Variants in MICU3 observed in about 807,000 individuals in gnomAD.
MICU3 encodes calcium uptake protein 3, mitochondrial.
A neutral mutation model predicts 66.5 loss-of-function variants in MICU3; 62 were observed. That is an observed-to-expected ratio of 0.93 (90% CI 0.76 to 1.15). The LOEUF (loss-of-function observed/expected upper bound fraction) is 1.15, where lower values mean the gene tolerates loss of function less well. Among genes scored for constraint, MICU3 ranks in the 50% most tolerant of loss-of-function variants. MICU3 has a pLI of 0.00. For missense variants in MICU3, 779 were observed against 664.4 expected (o/e 1.17, Z -1.90); for synonymous variants, 308 against 240.7 (o/e 1.28, Z -2.59).
At chr8:17,114,593 C>A (rs1299558349) in intron 12 of MICU3, among the ~76,000 whole-genome samples, 8 of 152,166 alleles carry the variant, frequency 5.3e-5, no homozygotes, top group Non-Finnish European at 1.2e-4. Flanking sequence ...GCATAATTTT[C>A]AAATAAATAC....
At chr8:17,035,561 T>A (rs1812826136) in intron 1 of MICU3, among the ~76,000 whole-genome samples, 1 of 152,226 alleles carries the variant, frequency 6.6e-6, no homozygotes, top group African/African-American at 2.4e-5. Flanking sequence ...AAGAGACTAG[T>A]GGCATGTTGT....
chr8:17,095,105 G>T (rs763979216), intron 8 of MICU3, among the ~76,000 whole-genome samples: 20 of 151,834 alleles, frequency 1.3e-4, no homozygotes, highest in African/African-American at 4.1e-4. Context: ...TTCAAATCTA[G>T]CTTCATATTT....
At chr8:17,073,277 C>T (rs979088010) in intron 3 of MICU3, among the ~76,000 whole-genome samples, 11 of 152,188 alleles carry the variant, frequency 7.2e-5, no homozygotes, top group African/African-American at 2.7e-4. Context: ...TTTACAGCCA[C>T]TCTCCATCAC....
chr8:17,114,600 A>C (rs1414916162), intron 12 of MICU3, among the ~76,000 whole-genome samples: 1 of 152,232 alleles, frequency 6.6e-6, no homozygotes, highest in East Asian at 1.9e-4. Flanking sequence ...TTTCAAATAA[A>C]TACAGTGGTC....
intron 11 of MICU3, among the ~76,000 whole-genome samples, chr8:17,108,601 A>G (rs1206063325): frequency 6.6e-6 from 1 of 152,158 alleles, no homozygotes; most frequent in East Asian, 1.9e-4. Flanking sequence ...TCCTATTGAT[A>G]CTACCTGTAT....
At chr8:17,029,464 G>A (rs144530782) in intron 1 of MICU3, among the ~76,000 whole-genome samples, 8 of 151,852 alleles carry the variant, frequency 5.3e-5, no homozygotes, top group South Asian at 2.1e-4. Context: ...TGACAAGAGC[G>A]AAACTCCATC....
At chr8:17,027,751 G>A in intron 1 of MICU3, 91 bp downstream of exon 1, 2 of 1,236,056 alleles carry the variant, frequency 1.6e-6, no homozygotes, top group South Asian at 3.8e-5. Flanking sequence ...GACGGTGCAA[G>A]CGCTGTGGCC....
At chr8:17,116,711 A>T in intron 13 of MICU3, 111 bp downstream of exon 13, 1 of 800,166 alleles carries the variant, frequency 1.2e-6, no homozygotes, top group Non-Finnish European at 1.9e-6. Flanking sequence ...ATAAACATGA[A>T]TGCTTTATTT....
intron 11 of MICU3, among the ~76,000 whole-genome samples, chr8:17,106,810 T>A (rs1014501275): frequency 1.3e-5 from 2 of 151,430 alleles, no homozygotes; most frequent in African/African-American, 2.4e-5. Context: ...TATTTTAGAA[T>A]AGTGGAAGCT....
At chr8:17,035,909 A>G in intron 1 of MICU3, among the ~76,000 whole-genome samples, 1 of 152,198 alleles carries the variant, frequency 6.6e-6, no homozygotes, top group Non-Finnish European at 1.5e-5. Context: ...AGGCAAGGTC[A>G]AAGGTCTTCA....
At chr8:17,053,734 C>G (rs904468596) in intron 1 of MICU3, among the ~76,000 whole-genome samples, 1 of 152,022 alleles carries the variant, frequency 6.6e-6, no homozygotes, top group South Asian at 2.1e-4. Flanking sequence ...ATCATTTCAA[C>G]GTAAATTCTC....
At chr8:17,083,303 A>C (rs1191693578) in intron 5 of MICU3, among the ~76,000 whole-genome samples, 4 of 152,074 alleles carry the variant, frequency 2.6e-5, no homozygotes, top group Non-Finnish European at 5.9e-5. Context: ...GTTTTACAAT[A>C]GTGATGTTAT....
At chr8:17,097,041 A>G (rs1800782758) in intron 8 of MICU3, among the ~76,000 whole-genome samples, 1 of 150,930 alleles carries the variant, frequency 6.6e-6, no homozygotes, top group Admixed American at 6.6e-5. Flanking sequence ...ATGGCTTCAC[A>G]AAGTGAATCA....
chr8:17,137,863 C>G, the MICU3 span, among the ~76,000 whole-genome samples: 703 of 151,462 alleles, frequency 4.6e-3, 6 homozygotes, highest in African/African-American at 0.012. Flanking sequence ...ACTACAGGTG[C>G]GCACCACCAC....
At chr8:17,095,678 T>C (rs1047539530) in intron 8 of MICU3, among the ~76,000 whole-genome samples, 1 of 151,884 alleles carries the variant, frequency 6.6e-6, no homozygotes. Flanking sequence ...CACAGTGATA[T>C]ATTAACCATC....
In MICU3 at chr8:17,064,051, A is replaced by G. The variant is rs145372166; in HGVS notation, c.382-33A>G. The G allele has an allele frequency of 1.4e-3, 2,208 of 1,579,918 alleles. 56 individuals are homozygous for G. The East Asian group carries it at 0.046, about 33-fold the overall frequency. On this transcript the variant is annotated intron_variant, in intron 1 of 14. Transcript: ENST00000318063. The stretch of plus-strand genomic sequence containing the variant: ...CTTCTAGAGGGAGGTATTACTTCAC[A>G]TCATCCAAATGTATTTGCTTTCTTA...
chr8:17,084,594 T>A (rs1186331734), intron 5 of MICU3, among the ~76,000 whole-genome samples: 1 of 152,126 alleles, frequency 6.6e-6, no homozygotes, highest in African/African-American at 2.4e-5. Context: ...CCAAGTTTTC[T>A]CCTTTATGCT....
rs755501181 is a variant in MICU3, at chr8:17,030,403, T to C, written c.381+2743T>C. 9.3e-4 allele frequency among the ~76,000 whole-genome samples: 141 copies of C among 152,250 alleles called. 1 individual carries two copies. Among genetic ancestry groups the C allele is most frequent in the Middle Eastern group, 3.2e-3 (1 of 316 alleles). ...TATTAGTGTAACATCCAAATGTCAG[T>C]ATTTTACAGCTCTTTTTCTCTGATG... On this transcript the variant is annotated intron_variant, in intron 1 of 14. Transcript: ENST00000318063.
At chr8:17,096,388 A>G (rs1800690026) in intron 8 of MICU3, among the ~76,000 whole-genome samples, 1 of 151,878 alleles carries the variant, frequency 6.6e-6, no homozygotes, top group African/African-American at 2.4e-5. Context: ...CGTGGTGATA[A>G]AACTTCCTAC....
Sources: allele counts gnomAD v4.1 joint callset (sites outside exome capture counted in the v4.1 genomes callset), GRCh38; gene constraint gnomAD v4.1.1; transcripts MANE v1.5; gene names NCBI Gene and HGNC (gene_info 2026-07-23, HGNC 2026-07-21).